Variants in MTFR1 observed in about 807,000 individuals in gnomAD.
MTFR1 encodes mitochondrial fission regulator 1, also known as chondrocyte protein with a poly-proline region.
Under a neutral mutation model 38.8 loss-of-function variants are expected in MTFR1, and 28 were observed. The observed-to-expected ratio is 0.72, with a 90% CI of 0.53 to 0.99. The LOEUF is 0.99. Among genes scored for constraint, MTFR1 ranks in the 50% least tolerant of loss-of-function variants. MTFR1 has a pLI of 0.00. For synonymous variants in MTFR1, 145 were observed against 137.0 expected (o/e 1.06, Z -0.41); for missense variants, 358 against 395.5 (o/e 0.91, Z 0.81).
At position 65,707,221 on chromosome 8, in the gene MTFR1, A is replaced by C; in HGVS notation, c.729A>C (p.Lys243Asn). Residue 243 changes from lysine to asparagine, a missense_variant, in exon 6 of 8, where the codon AAA becomes AAC. Coordinates refer to ENST00000262146, the MANE Select transcript of MTFR1 (RefSeq NM_014637.4). ...TGCCAAATATGCTAGAGATCCTTAA[A>C]GAGATGAACAGTGTAAAACTTCGGT... ...PEMPNMLEIL[K>N]EMNSVKLRSV... The C allele has an allele frequency of 6.2e-7, 1 of 1,614,216 alleles. No homozygotes were observed. Among genetic ancestry groups the C allele is most frequent in the Non-Finnish European group, 8.5e-7 (1 of 1,180,016 alleles).
At chr8:65,741,113 A>T (rs1375094210) in intron 3 of MTFR1, among the ~76,000 whole-genome samples, 1 of 152,140 alleles carries the variant, frequency 6.6e-6, no homozygotes, top group Non-Finnish European at 1.5e-5. Flanking sequence ...TATACCTCCT[A>T]TTATACTTCT....
intron 3 of MTFR1, among the ~76,000 whole-genome samples, chr8:65,763,697 T>C (rs1808626711): frequency 6.6e-6 from 1 of 152,208 alleles, no homozygotes; most frequent in Non-Finnish European, 1.5e-5. Context: ...AGCTCCTCAG[T>C]CATTAAATTC....
intron 3 of MTFR1, among the ~76,000 whole-genome samples, chr8:65,769,247 C>CAAAAAAAAAAA (rs61554087): frequency 2.7e-5 from 2 of 74,458 alleles, no homozygotes; most frequent in African/African-American, 5.1e-5. Context: ...GACTCAGTCT[C>CAAAAAAAAAAA]AAAAAAAAAA....
chr8:65,735,159 C>T (rs1192081835), intron 3 of MTFR1, among the ~76,000 whole-genome samples: 3 of 152,156 alleles, frequency 2.0e-5, no homozygotes, highest in African/African-American at 7.2e-5. Flanking sequence ...ACTTGACAGC[C>T]CTAGCAGCAT....
intron 4 of MTFR1, among the ~76,000 whole-genome samples, chr8:65,704,361 GC>G (rs993604631): frequency 9.2e-5 from 14 of 152,144 alleles, no homozygotes; most frequent in African/African-American, 3.4e-4. Context: ...ACTTTGAAGG[GC>G]ATAAAAAGCT....
At chr8:65,761,725 T>C (rs1167291099) in intron 3 of MTFR1, among the ~76,000 whole-genome samples, 1 of 152,242 alleles carries the variant, frequency 6.6e-6, no homozygotes, top group African/African-American at 2.4e-5. Flanking sequence ...AGTTAATGAT[T>C]CTTAGCTTCT....
intron 2 of MTFR1, among the ~76,000 whole-genome samples, chr8:65,675,183 C>T (rs574030806): frequency 6.6e-5 from 10 of 152,150 alleles, no homozygotes; most frequent in African/African-American, 1.2e-4. Flanking sequence ...CCCCGCTACT[C>T]GGGAGGCTGA....
chr8:65,768,607 TA>T (rs1214881114), intron 3 of MTFR1, among the ~76,000 whole-genome samples: 1 of 152,190 alleles, frequency 6.6e-6, no homozygotes, highest in East Asian at 1.9e-4. Context: ...ATCAGCAGCG[TA>T]AAAACAGACT....
At position 65,736,888 on chromosome 8, in the gene MTFR1, C is replaced by CT. The variant is rs35543290; in HGVS notation, c.*48+17419dup. ...TGGCTGTACATTCTTGGTATTGAGG[C>CT]TTTTTTTTTTTTGAGATGGAGTCTC... On this transcript the variant is annotated intron_variant, in intron 3 of 3. Coordinates refer to the MTFR1 transcript ENST00000521247. 1.1e-3 allele frequency among the ~76,000 whole-genome samples: 149 copies of CT among 133,754 alleles called. 1 individual carries two copies. Among genetic ancestry groups the CT allele is most frequent in the South Asian group, 2.5e-3 (10 of 3,992 alleles). 87.7% of individuals were successfully genotyped at this position (133,754 alleles called of 152,430 possible).
At chr8:65,661,883 G>C (rs912121561) in intron 1 of MTFR1, among the ~76,000 whole-genome samples, 2 of 152,052 alleles carry the variant, frequency 1.3e-5, no homozygotes, top group Non-Finnish European at 2.9e-5. Flanking sequence ...AGAATCGCTT[G>C]AACTCGAGAG....
At chr8:65,661,710 T>C (rs370828420) in intron 1 of MTFR1, among the ~76,000 whole-genome samples, 71 of 151,974 alleles carry the variant, frequency 4.7e-4, no homozygotes, top group African/African-American at 1.6e-3. Flanking sequence ...ACACTTGTAA[T>C]CCTAGCACTT....
At chr8:65,657,045 C>A (rs1208297131) in intron 1 of MTFR1, among the ~76,000 whole-genome samples, 2 of 148,338 alleles carry the variant, frequency 1.3e-5, no homozygotes, top group Non-Finnish European at 3.0e-5. Flanking sequence ...CGGAGTCTCA[C>A]TCTTATTGCC....
At chr8:65,667,943 C>T (rs975475572) in intron 1 of MTFR1, among the ~76,000 whole-genome samples, 1 of 152,272 alleles carries the variant, frequency 6.6e-6, no homozygotes, top group Admixed American at 6.5e-5. Flanking sequence ...ATCCTCCTTT[C>T]ATTAGCGCCC....
At chr8:65,746,546 A>C (rs566134373) in intron 3 of MTFR1, among the ~76,000 whole-genome samples, 79 of 152,160 alleles carry the variant, frequency 5.2e-4, no homozygotes, top group Non-Finnish European at 1.0e-3. Flanking sequence ...CTAAAAACCA[A>C]ATATTTTTAT....
At chr8:65,681,464 C>G (rs1804885957) in intron 2 of MTFR1, among the ~76,000 whole-genome samples, 1 of 152,238 alleles carries the variant, frequency 6.6e-6, no homozygotes, top group East Asian at 1.9e-4. Context: ...GTATAATAGT[C>G]ATATAATTCT....
chr8:65,715,978 C>A (rs1806120148), intron 2 of MTFR1, among the ~76,000 whole-genome samples: 1 of 109,628 alleles, frequency 9.1e-6, no homozygotes, highest in African/African-American at 3.6e-5. Context: ...GCCTGGGCGA[C>A]AGAGCAAGGC....
intron 1 of MTFR1, among the ~76,000 whole-genome samples, chr8:65,667,238 T>C (rs1804407096): frequency 6.6e-6 from 1 of 151,262 alleles, no homozygotes; most frequent in African/African-American, 2.4e-5. Context: ...ATTGCACCAT[T>C]GTACTCCAGC....
chr8:65,663,231 C>T (rs555688878), intron 1 of MTFR1, among the ~76,000 whole-genome samples: 105 of 152,048 alleles, frequency 6.9e-4, no homozygotes, highest in Non-Finnish European at 2.5e-4. Flanking sequence ...GTGACCTTAC[C>T]CCCAACCCTG....
intron 1 of MTFR1, among the ~76,000 whole-genome samples, chr8:65,645,869 T>C (rs1808953199): frequency 6.6e-6 from 1 of 152,218 alleles, no homozygotes; most frequent in South Asian, 2.1e-4. Flanking sequence ...CATTATATAA[T>C]TTCAATTATT....
Sources: allele counts gnomAD v4.1 joint callset (sites outside exome capture counted in the v4.1 genomes callset), GRCh38; gene constraint gnomAD v4.1.1; transcripts MANE v1.5; gene names NCBI Gene and HGNC (gene_info 2026-07-23, HGNC 2026-07-21).